The following MED27 variants were observed in gnomAD, a reference collection of about 807,000 sequenced individuals.
MED27 encodes the protein mediator complex subunit 27, also known as mediator of RNA polymerase II transcription subunit 27.
In MED27, 30 loss-of-function variants were observed where a neutral mutation model predicts 38.2. The observed-to-expected ratio is 0.79, with a 90% CI of 0.59 to 1.07. MED27 has a LOEUF of 1.07. Ranked by LOEUF, MED27 falls within the 50% of genes least tolerant of loss-of-function variation. The pLI is 0.00. For missense variants in MED27, 289 were observed against 397.5 expected (o/e 0.73, Z 2.32); for synonymous variants, 122 against 153.5 (o/e 0.79, Z 1.52).
At chr9:131,919,957 G>C (rs976633494) in intron 4 of MED27, among the ~76,000 whole-genome samples, 2 of 151,846 alleles carry the variant, frequency 1.3e-5, no homozygotes, top group African/African-American at 2.4e-5. Flanking sequence ...TACAGGATAT[G>C]CATCACCATG....
At chr9:131,942,838 A>G (rs1204248348) in intron 3 of MED27, among the ~76,000 whole-genome samples, 1 of 152,212 alleles carries the variant, frequency 6.6e-6, no homozygotes, top group Non-Finnish European at 1.5e-5. Flanking sequence ...GCTTGCTTTT[A>G]GTAAGGGCCA....
chr9:132,035,220 T>C (rs1833048255), intron 2 of MED27, among the ~76,000 whole-genome samples: 1 of 152,192 alleles, frequency 6.6e-6, no homozygotes, highest in Non-Finnish European at 1.5e-5. Flanking sequence ...GCCCAATACC[T>C]GCAGGTTGAA....
At chr9:132,072,715 G>A (rs914545640) in intron 2 of MED27, among the ~76,000 whole-genome samples, 1 of 152,048 alleles carries the variant, frequency 6.6e-6, no homozygotes, top group Non-Finnish European at 1.5e-5. Context: ...CCAATAAAAG[G>A]ACAATTCAGA....
intron 2 of MED27, among the ~76,000 whole-genome samples, chr9:132,029,863 G>A (rs984994390): frequency 5.9e-5 from 9 of 151,760 alleles, no homozygotes; most frequent in Admixed American, 1.3e-4. Context: ...AAAAAGTGTC[G>A]GTGTGTGTGG....
intron 2 of MED27, among the ~76,000 whole-genome samples, chr9:132,066,922 A>ACTCACTCCCAGGCCTCCTGCCT (rs1833822601): frequency 1.3e-5 from 2 of 152,222 alleles, no homozygotes; most frequent in African/African-American, 2.4e-5. Context: ...GCCTCCTGGC[A>ACTCACTCCCAGGCCTCCTGCCT]CTCACTCCCA....
intron 4 of MED27, among the ~76,000 whole-genome samples, chr9:131,930,715 G>A (rs917033284): frequency 3.9e-4 from 60 of 152,088 alleles, no homozygotes; most frequent in Non-Finnish European, 1.3e-4. Context: ...AGAAAAACAC[G>A]TAATATTATG....
intron 2 of MED27, among the ~76,000 whole-genome samples, chr9:132,018,843 C>T (rs1832659152): frequency 6.6e-6 from 1 of 152,152 alleles, no homozygotes; most frequent in Non-Finnish European, 1.5e-5. Context: ...TCTCAAGATT[C>T]ACCAAAGGCT....
At chr9:131,950,884 C>G (rs1374761125) in intron 3 of MED27, among the ~76,000 whole-genome samples, 1 of 152,110 alleles carries the variant, frequency 6.6e-6, no homozygotes, top group East Asian at 1.9e-4. Context: ...AATAAAGATC[C>G]CAGAGTAAAC....
At chr9:132,020,158 TTCTG>T (rs1832687688) in intron 2 of MED27, among the ~76,000 whole-genome samples, 1 of 152,194 alleles carries the variant, frequency 6.6e-6, no homozygotes, top group Non-Finnish European at 1.5e-5. Context: ...GCAGTTGTGC[TTCTG>T]TCTAACGGGT....
chr9:132,050,734 G>T (rs1007098337), intron 2 of MED27, among the ~76,000 whole-genome samples: 1 of 152,124 alleles, frequency 6.6e-6, no homozygotes, highest in African/African-American at 2.4e-5. Flanking sequence ...CTCCACACAG[G>T]CCTGCCCCCA....
chr9:131,873,223 T>G (rs768488826), intron 6 of MED27, among the ~76,000 whole-genome samples: 47 of 152,156 alleles, frequency 3.1e-4, no homozygotes, highest in Admixed American at 6.5e-4. Context: ...GTGTTAAATG[T>G]TTAAAGAGAC....
chr9:131,954,550 C>A (rs1831057752), intron 3 of MED27, among the ~76,000 whole-genome samples: 1 of 152,150 alleles, frequency 6.6e-6, no homozygotes. Flanking sequence ...CAGCTGTGAT[C>A]TCCTGAAGCT....
rs1832488628 is a variant in MED27 at position 132,011,597 on chromosome 9, T to A, written c.479+2740A>T. Among the ~76,000 whole-genome samples, 3 of 151,752 alleles carry A rather than the reference T, an allele frequency of 2.0e-5. No homozygotes were observed. The South Asian group carries it at 6.2e-4, about 32-fold the overall frequency. On this transcript the variant is annotated intron_variant, in intron 3 of 7. Transcript: ENST00000292035. Reference sequence around the variant, plus strand: ...TGAGAGGATCATTTGAGCTCAGGAGTTTGAGGCTGCAGTAAGCTGTGATCA... The same window carrying A: ...TGAGAGGATCATTTGAGCTCAGGAGATTGAGGCTGCAGTAAGCTGTGATCA...
chr9:132,033,051 T>A (rs1372003774), intron 2 of MED27, among the ~76,000 whole-genome samples: 2 of 152,240 alleles, frequency 1.3e-5, no homozygotes, highest in Non-Finnish European at 2.9e-5. Flanking sequence ...ATATTTTTCC[T>A]ACCCCGCCAG....
chr9:131,879,139 G>A (rs1434754054), intron 6 of MED27, among the ~76,000 whole-genome samples: 2 of 152,334 alleles, frequency 1.3e-5, no homozygotes, highest in South Asian at 4.1e-4. Context: ...AGGTGCTCAG[G>A]CTGTAAGCCA....
chr9:131,864,763 C>T (rs10122695), intron 6 of MED27, among the ~76,000 whole-genome samples: 23,058 of 152,310 alleles, frequency 0.15, 1,815 homozygotes, highest in African/African-American at 0.18. Context: ...CCAGGCAAGC[C>T]GGGGCCCGGC....
rs2131059708 is a variant in MED27, at chr9:132,002,821, A to G, written c.479+11516T>C. On this transcript the variant is annotated intron_variant, in intron 3 of 7. Coordinates refer to ENST00000292035, the MANE Select transcript of MED27 (RefSeq NM_004269.4). Reference sequence around the variant, plus strand: ...TCCCAGCTACTCCAGAGGGTGACACAGCAGAACCGTTTGAACCTGAGAGGT... The same window carrying G: ...TCCCAGCTACTCCAGAGGGTGACACGGCAGAACCGTTTGAACCTGAGAGGT... Among the ~76,000 whole-genome samples the G allele has an allele frequency of 1.3e-5, 2 of 151,824 alleles. 1 individual carries two copies.
chr9:132,047,070 A>ATC (rs1245393463), intron 2 of MED27, among the ~76,000 whole-genome samples: 4 of 152,186 alleles, frequency 2.6e-5, no homozygotes, highest in African/African-American at 9.7e-5. Context: ...GTGTATATAT[A>ATC]TACACATGCA....
Position 131,980,126 on chromosome 9 carries a change from T to C in MED27, c.479+34211A>G, listed in dbSNP as rs964228143. Among the ~76,000 whole-genome samples, 3 of 149,652 alleles carry C rather than the reference T, an allele frequency of 2.0e-5. No homozygotes were observed. In the East Asian group the frequency reaches 5.9e-4, roughly 29 times the overall value. The stretch of plus-strand genomic sequence containing the variant: ...ATGTGTGTGTGTATATATGTGTGTA[T>C]ATATTATAGTGCCACATACACATGC... On this transcript the variant is annotated intron_variant, in intron 3 of 7. Transcript: ENST00000292035.
Sources: gnomAD v4.1 joint callset for allele counts (sites outside exome capture counted in the v4.1 genomes callset) on GRCh38, gnomAD v4.1.1 for gene constraint, MANE v1.5 for transcripts, NCBI Gene and HGNC (gene_info 2026-07-23, HGNC 2026-07-21) for gene names.